The following H3-3A variants were observed in gnomAD, a reference collection of about 807,000 sequenced individuals.
The protein encoded by H3-3A is H3.3 histone A, also known as histone H3.3.
For synonymous variants in H3-3A, 49 were observed against 61.4 expected, an observed-to-expected ratio of 0.80 and a Z score of 0.95; for missense variants, 7 against 184.0, an observed-to-expected ratio of 0.04 and a Z score of 5.57.
chr1:226,068,733 A>G (rs1658002841), intron 3 of H3-3A, among the ~76,000 whole-genome samples: 3 of 152,360 alleles, frequency 2.0e-5, no homozygotes, highest in Middle Eastern at 3.4e-3. Context: ...AGGCATTTGG[A>G]GTATTAAATG....
At chr1:226,065,633 G>GT in intron 2 of H3-3A, 23 bp from the exon 3 acceptor site, 2 of 1,518,720 alleles carry the variant, frequency 1.3e-6, no homozygotes, top group Non-Finnish European at 1.8e-6. Flanking sequence ...TTTGGTAACA[G>GT]TTTCTTTATT....
chr1:226,067,330 C>T (rs931097555), intron 3 of H3-3A: 1 of 152,220 alleles, frequency 6.6e-6, no homozygotes, highest in Non-Finnish European at 1.5e-5. Context: ...ATGTTCACCT[C>T]TTCTGTCCAC....
chr1:226,062,691 G>A (rs1657766346), upstream of H3-3A: 1 of 154,440 alleles, frequency 6.5e-6, no homozygotes, highest in Non-Finnish European at 1.4e-5. Flanking sequence ...GGCGTGTGTT[G>A]GGGGATAGCC....
At chr1:226,070,508 T>A (rs960241536) in intron 3 of H3-3A, among the ~76,000 whole-genome samples, 1 of 151,038 alleles carries the variant, frequency 6.6e-6, no homozygotes, top group Non-Finnish European at 1.5e-5. Context: ...GCGCGGTGGC[T>A]CACGCCTATA....
chr1:226,070,174 C>G (rs1273401599), intron 3 of H3-3A, among the ~76,000 whole-genome samples: 1 of 152,094 alleles, frequency 6.6e-6, no homozygotes, highest in African/African-American at 2.4e-5. Flanking sequence ...GGGCATAGAT[C>G]AAAGTATATA....
At chr1:226,064,829 A>G (rs369435015) in intron 2 of H3-3A, among the ~76,000 whole-genome samples, 27 of 152,304 alleles carry the variant, frequency 1.8e-4, no homozygotes, top group African/African-American at 5.5e-4. Context: ...TTTTGAGGTT[A>G]TCTTTCCTAG....
At chr1:226,063,897 A>G (rs181653521) in intron 1 of H3-3A, 1 of 120,260 alleles carries the variant, frequency 8.3e-6, no homozygotes, top group Non-Finnish European at 1.6e-5. Context: ...AGTCAGACGA[A>G]GGGGGGGCAG....
Position 226,069,974 on chromosome 1 carries a change from TTAAG to T in H3-3A, c.283-1375_283-1372del, listed in dbSNP as rs1445701308. ...AACGCCCCTTTTTCCTCTTCACAAG[TTAAG>T]TGTCAATGAGTGATTCATACACTGT... On this transcript the variant is annotated intron_variant, in intron 3 of 3. Transcript: ENST00000366815. 3.3e-5 allele frequency among the ~76,000 whole-genome samples: 5 copies of T among 152,120 alleles called. No individual in the cohort carries two copies. The South Asian group carries it at 8.3e-4, about 25-fold the overall frequency.
intron 3 of H3-3A, among the ~76,000 whole-genome samples, chr1:226,069,875 C>G (rs894440584): frequency 6.6e-6 from 1 of 152,120 alleles, no homozygotes; most frequent in African/African-American, 2.4e-5. Flanking sequence ...TTGGCTTAGA[C>G]TAAAAGATTC....
chr1:226,064,935 CTT>C (rs1276076183), intron 2 of H3-3A, among the ~76,000 whole-genome samples: 11 of 152,250 alleles, frequency 7.2e-5, no homozygotes, highest in Non-Finnish European at 1.3e-4. Flanking sequence ...TGTATTAGCT[CTT>C]TTGATTGTGA....
intron 3 of H3-3A, among the ~76,000 whole-genome samples, chr1:226,069,254 T>TC (rs1245661098): frequency 6.6e-6 from 1 of 152,084 alleles, no homozygotes; most frequent in East Asian, 1.9e-4. Context: ...TCCGTGTTGG[T>TC]CAGTCTAGTC....
chr1:226,063,797 C>T (rs1226246128), intron 1 of H3-3A, among the ~76,000 whole-genome samples: 1 of 151,582 alleles, frequency 6.6e-6, no homozygotes, highest in African/African-American at 2.4e-5. Context: ...TGTTGTTCCT[C>T]TCTTGTTTTT....
chr1:226,070,255 G>A (rs1658065533), intron 3 of H3-3A, among the ~76,000 whole-genome samples: 1 of 152,108 alleles, frequency 6.6e-6, no homozygotes, highest in Admixed American at 6.6e-5. Context: ...GCCGAGGCAG[G>A]AGGATCACGA....
chr1:226,065,879 G>C (rs1023534160), intron 3 of H3-3A, 70 bp downstream of exon 3: 2 of 1,149,238 alleles, frequency 1.7e-6, no homozygotes, highest in African/African-American at 1.5e-5. Flanking sequence ...CCAAATTGTT[G>C]CATGTGCTTA....
intron 3 of H3-3A, chr1:226,066,082 T>C: frequency 2.0e-6 from 1 of 494,274 alleles, no homozygotes; most frequent in Non-Finnish European, 3.6e-6. Context: ...AAAAACAATA[T>C]TTAAAGAAAA....
intron 3 of H3-3A, chr1:226,066,513 A>G (rs1657929911): frequency 6.6e-6 from 1 of 152,212 alleles, no homozygotes; most frequent in Non-Finnish European, 1.5e-5. Context: ...TGTATTTGAG[A>G]TATTTGTGGT....
chr1:226,067,187 T>C (rs1419290350), intron 3 of H3-3A: 1 of 152,244 alleles, frequency 6.6e-6, no homozygotes. Flanking sequence ...ATGTCAATAA[T>C]GTAGCCTTTT....
intron 3 of H3-3A, among the ~76,000 whole-genome samples, chr1:226,069,556 G>T (rs923042325): frequency 6.6e-6 from 1 of 152,142 alleles, no homozygotes; most frequent in Non-Finnish European, 1.5e-5. Context: ...AGCAGGCCGG[G>T]CATGGCGGCT....
intron 2 of H3-3A, among the ~76,000 whole-genome samples, chr1:226,065,079 G>A (rs1187670163): frequency 2.0e-5 from 3 of 152,206 alleles, no homozygotes; most frequent in Admixed American, 2.0e-4. Context: ...GTCAGAATGA[G>A]AGGTAAATTT....
Sources: gnomAD v4.1 joint callset for allele counts (sites outside exome capture counted in the v4.1 genomes callset) on GRCh38, gnomAD v4.1.1 for gene constraint, MANE v1.5 for transcripts, NCBI Gene and HGNC (gene_info 2026-07-23, HGNC 2026-07-21) for gene names.